Variants in TNIK observed in about 807,000 individuals in gnomAD.
TNIK encodes TRAF2 and NCK-interacting protein kinase.
TNIK carries 49 observed loss-of-function variants against 191.3 expected under a neutral mutation model. The observed-to-expected ratio is 0.26, with a 90% CI of 0.20 to 0.32. TNIK has a LOEUF of 0.32. Among genes scored for constraint, TNIK ranks in the 10% least tolerant of loss-of-function variants. The probability of loss-of-function intolerance (pLI) is 1.00; values close to 1 mark genes in which losing one functional copy is unlikely to be tolerated. For missense variants in TNIK, 1,155 were observed against 1,702.3 expected, an observed-to-expected ratio of 0.68 and a Z score of 5.66; for synonymous variants, 594 against 600.9, an observed-to-expected ratio of 0.99 and a Z score of 0.17.
At chr3:171,111,948 G>A (rs986009034) in intron 18 of TNIK, among the ~76,000 whole-genome samples, 11 of 152,168 alleles carry the variant, frequency 7.2e-5, no homozygotes, top group South Asian at 4.1e-4. Flanking sequence ...GTTGGTCAAA[G>A]GTTACAGTTT....
chr3:171,456,995 G>A (rs1229941206), intron 1 of TNIK, among the ~76,000 whole-genome samples: 2 of 152,214 alleles, frequency 1.3e-5, no homozygotes, highest in African/African-American at 2.4e-5. Flanking sequence ...AGTTTCCCAA[G>A]TGTTCAATGA....
chr3:171,323,362 C>T (rs1184850696), intron 2 of TNIK, among the ~76,000 whole-genome samples: 1 of 152,128 alleles, frequency 6.6e-6, no homozygotes, highest in Non-Finnish European at 1.5e-5. Context: ...CTTACGTATG[C>T]CCCTCCTAGA....
chr3:171,227,132 T>A (rs1429604420), intron 3 of TNIK, among the ~76,000 whole-genome samples: 1 of 152,142 alleles, frequency 6.6e-6, no homozygotes, highest in Admixed American at 6.6e-5. Context: ...GCCTTTGATG[T>A]CCAGTGAATC....
intron 4 of TNIK, among the ~76,000 whole-genome samples, chr3:171,204,538 C>G (rs1308661522): frequency 6.6e-6 from 1 of 152,192 alleles, no homozygotes; most frequent in Non-Finnish European, 1.5e-5. Flanking sequence ...TATTTTTATA[C>G]AAACGTAATC....
At chr3:171,239,935 G>A (rs1385407142) in intron 2 of TNIK, among the ~76,000 whole-genome samples, 1 of 152,114 alleles carries the variant, frequency 6.6e-6, no homozygotes, top group Non-Finnish European at 1.5e-5. Context: ...GGGCGGGGGT[G>A]AAATATGATG....
intron 2 of TNIK, among the ~76,000 whole-genome samples, chr3:171,283,001 C>T (rs1282541739): frequency 6.6e-6 from 1 of 152,114 alleles, no homozygotes. Flanking sequence ...ACCTGGGCAC[C>T]TATTAGTCCC....
At chr3:171,066,497 ATGGTTGTT>A in intron 31 of TNIK, 71 bp downstream of exon 31, 1 of 1,559,534 alleles carries the variant, frequency 6.4e-7, no homozygotes, top group Admixed American at 1.9e-5. Flanking sequence ...GTGGAATCAA[ATGGTTGTT>A]TCACATTTCT....
chr3:171,340,906 G>GA lies in TNIK; in HGVS notation c.123+28713dup, dbSNP rs75415054. ...CTGAGGACTCTTGGTATTTGGGAGG[G>GA]AAAAAAAAAAAGCCTACAAATTTGG... On this transcript the variant is annotated intron_variant, in intron 2 of 32. Coordinates refer to ENST00000436636, the MANE Select transcript of TNIK (RefSeq NM_015028.4). Among the ~76,000 whole-genome samples the GA allele has an allele frequency of 2.5e-3, 358 of 141,418 alleles. 3 individuals carry two copies. The highest frequency in any genetic ancestry group is 7.9e-3 in the African/African-American group (305 of 38,552). 92.8% of individuals were successfully genotyped at this position (141,418 alleles called of 152,430 possible). A position where few individuals can be genotyped will look rare whatever the true frequency, so the allele number is the denominator to read the frequency against.
At chr3:171,370,598 G>A (rs920183428) in intron 1 of TNIK, among the ~76,000 whole-genome samples, 1 of 152,136 alleles carries the variant, frequency 6.6e-6, no homozygotes, top group African/African-American at 2.4e-5. Context: ...TGTCTACAGA[G>A]GCCAGGCCAG....
intron 2 of TNIK, among the ~76,000 whole-genome samples, chr3:171,317,252 CA>C (rs1283197053): frequency 2.0e-5 from 3 of 151,870 alleles, no homozygotes; most frequent in Non-Finnish European, 2.9e-5. Context: ...GTCCACAGAC[CA>C]AGTATATTAA....
chr3:171,311,709 C>CT (rs979350448), intron 2 of TNIK, among the ~76,000 whole-genome samples: 2 of 152,148 alleles, frequency 1.3e-5, no homozygotes, highest in South Asian at 4.1e-4. Context: ...TCTCCAAACA[C>CT]TTTTTTCCTG....
intron 2 of TNIK, among the ~76,000 whole-genome samples, chr3:171,331,950 G>A (rs1464112721): frequency 2.0e-5 from 3 of 152,098 alleles, no homozygotes; most frequent in Non-Finnish European, 4.4e-5. Context: ...TAAAAGTGTA[G>A]GGGAATCTGG....
At chr3:171,232,047 A>T (rs1208067526) in intron 2 of TNIK, among the ~76,000 whole-genome samples, 3 of 152,200 alleles carry the variant, frequency 2.0e-5, no homozygotes, top group African/African-American at 7.2e-5. Flanking sequence ...TTTATTTTTT[A>T]AATTTGGGGG....
At chr3:171,286,339 G>T (rs973842443) in intron 2 of TNIK, among the ~76,000 whole-genome samples, 8 of 152,204 alleles carry the variant, frequency 5.3e-5, no homozygotes, top group Admixed American at 5.2e-4. Flanking sequence ...CAATAGGGAA[G>T]GATCTATTCA....
chr3:171,408,367 G>C (rs181138031), intron 1 of TNIK, among the ~76,000 whole-genome samples: 1 of 152,220 alleles, frequency 6.6e-6, no homozygotes, highest in East Asian at 1.9e-4. Context: ...GAAAGATACC[G>C]GTGGCTCATT....
chr3:171,260,135 G>A (rs1238798248), intron 2 of TNIK, among the ~76,000 whole-genome samples: 1 of 151,950 alleles, frequency 6.6e-6, no homozygotes, highest in Non-Finnish European at 1.5e-5. Context: ...CTGATCACCC[G>A]GGCTTGTTTT....
intron 26 of TNIK, 25 bp from the exon 27 acceptor site, chr3:171,082,419 G>C: frequency 6.2e-7 from 1 of 1,604,866 alleles, no homozygotes; most frequent in South Asian, 1.1e-5. Flanking sequence ...AGCACCCTAA[G>C]ACTGACTTTT....
At chr3:171,087,539 GA>G in intron 23 of TNIK, 33 bp from the exon 24 acceptor site, 4 of 1,605,806 alleles carry the variant, frequency 2.5e-6, no homozygotes, top group South Asian at 1.1e-5. Context: ...AGGAGTTAGA[GA>G]GGGGGGAAAA....
chr3:171,316,892 TATA>T (rs1258663273), intron 2 of TNIK, among the ~76,000 whole-genome samples: 2 of 148,862 alleles, frequency 1.3e-5, no homozygotes, highest in Non-Finnish European at 3.0e-5. Context: ...GATTACATTT[TATA>T]ATTACACAAT....
Sources: allele counts gnomAD v4.1 joint callset (sites outside exome capture counted in the v4.1 genomes callset), GRCh38; gene constraint gnomAD v4.1.1; transcripts MANE v1.5; gene names NCBI Gene and HGNC (gene_info 2026-07-23, HGNC 2026-07-21).